The following WHR1 variants were observed in gnomAD, a reference collection of about 807,000 sequenced individuals.
WHR1 encodes MHC class III HLA-RP1.
At chr6:31,980,709 A>G in the WHR1 span, 5 of 1,608,998 alleles carry the variant, frequency 3.1e-6, no homozygotes, top group South Asian at 1.1e-5. Flanking sequence ...AACTGCTCCT[A>G]TCAGAGCTCC....
At chr6:31,972,525 C>G in the WHR1 span, 1 of 1,600,814 alleles carries the variant, frequency 6.2e-7, no homozygotes, top group African/African-American at 1.3e-5. This position sits in a 1 kb window ranked among gnomAD's most constrained non-coding sequence, Gnocchi z 6.3. Flanking sequence ...ACCATGGCAA[C>G]CCCGGGGGTG....
chr6:31,973,096 T>A, the WHR1 span: 1 of 552,028 alleles, frequency 1.8e-6, no homozygotes, highest in Non-Finnish European at 3.4e-6. Flanking sequence ...TGGTAGAGAA[T>A]ATCATAGAGA....
chr6:31,972,165 A>C, the WHR1 span: 1 of 1,612,382 alleles, frequency 6.2e-7, no homozygotes, highest in Non-Finnish European at 8.5e-7. The surrounding 1 kb of genome is among the most constrained non-coding windows in gnomAD (Gnocchi z 6.3). Context: ...GTGCCCTTGG[A>C]GGGAGCCAAT....
At chr6:31,978,922 G>T in the WHR1 span, 1 of 1,612,714 alleles carries the variant, frequency 6.2e-7, no homozygotes, top group Non-Finnish European at 8.5e-7. Flanking sequence ...CAAGAGCAGG[G>T]GGAGATCAGA....
At chr6:31,979,757 C>A in the WHR1 span, 2 of 597,942 alleles carry the variant, frequency 3.3e-6, no homozygotes, top group Non-Finnish European at 5.6e-6. Context: ...TTAGAAAGAG[C>A]CCTGAAATAG....
the WHR1 span, among the ~76,000 whole-genome samples, chr6:31,974,062 T>C: frequency 6.6e-6 from 1 of 151,984 alleles, no homozygotes; most frequent in African/African-American, 2.4e-5. Flanking sequence ...GGTGGGTGGA[T>C]CTCTTGAGCT....
the WHR1 span, chr6:31,979,033 A>T: frequency 3.1e-6 from 5 of 1,596,940 alleles, no homozygotes; most frequent in South Asian, 3.3e-5. Context: ...TGCTGGGGGG[A>T]GGGCACAGGT....
At chr6:31,974,719 C>T in the WHR1 span, among the ~76,000 whole-genome samples, 1 of 152,206 alleles carries the variant, frequency 6.6e-6, no homozygotes, top group African/African-American at 2.4e-5. Context: ...GATTGCACGA[C>T]TGCACTCCAG....
At chr6:31,971,597 G>GT in the WHR1 span, 1 of 1,613,732 alleles carries the variant, frequency 6.2e-7, no homozygotes, top group South Asian at 1.1e-5. This position sits in a 1 kb window ranked among gnomAD's most constrained non-coding sequence, Gnocchi z 4.5. Flanking sequence ...GGCAGAGAAG[G>GT]TGCTGGACGA....
chr6:31,974,204 G>A, the WHR1 span, among the ~76,000 whole-genome samples: 1 of 151,552 alleles, frequency 6.6e-6, no homozygotes, highest in African/African-American at 2.4e-5. Context: ...TGCTTGAGCT[G>A]GGGAGGCGGA....
At chr6:31,972,262 G>T in the WHR1 span, 4 of 1,613,136 alleles carry the variant, frequency 2.5e-6, no homozygotes, top group Middle Eastern at 1.6e-4. The surrounding 1 kb of genome is among the most constrained non-coding windows in gnomAD (Gnocchi z 6.3). Flanking sequence ...GGGCCTGAGG[G>T]ACGACAAGTT....
At chr6:31,971,856 ACCCT>A in the WHR1 span, 1 of 1,390,704 alleles carries the variant, frequency 7.2e-7, no homozygotes, top group Non-Finnish European at 9.6e-7. The surrounding 1 kb of genome is among the most constrained non-coding windows in gnomAD (Gnocchi z 4.5). Flanking sequence ...CCCTTCACCC[ACCCT>A]CCCTCCAGGT....
chr6:31,971,644 T>C, the WHR1 span: 1 of 1,609,814 alleles, frequency 6.2e-7, no homozygotes, highest in Non-Finnish European at 8.5e-7. The surrounding 1 kb of genome is among the most constrained non-coding windows in gnomAD (Gnocchi z 4.5). Flanking sequence ...CTCTGTCTTC[T>C]CAGCTCCTCT....
chr6:31,974,979 G>A, the WHR1 span, among the ~76,000 whole-genome samples: 8 of 152,164 alleles, frequency 5.3e-5, no homozygotes, highest in African/African-American at 1.9e-4. Flanking sequence ...TAATGTATTG[G>A]TGTTAGCTTT....
chr6:31,977,366 G>T, the WHR1 span, among the ~76,000 whole-genome samples: 1 of 140,512 alleles, frequency 7.1e-6, no homozygotes, highest in Non-Finnish European at 1.5e-5. Flanking sequence ...TTTTTGAGAC[G>T]GAGTCTCGCT....
chr6:31,978,248 T>G, the WHR1 span, among the ~76,000 whole-genome samples: 2 of 152,068 alleles, frequency 1.3e-5, no homozygotes, highest in African/African-American at 2.4e-5. Context: ...TGCCTTAGTC[T>G]CCCAAGTAGC....
the WHR1 span, among the ~76,000 whole-genome samples, chr6:31,976,890 G>A: frequency 8.5e-5 from 13 of 152,218 alleles, no homozygotes; most frequent in Non-Finnish European, 1.3e-4. Context: ...AACAAAATAC[G>A]AAAACCAGTC....
At chr6:31,979,222 G>A in the WHR1 span, among the ~76,000 whole-genome samples, 1 of 111,880 alleles carries the variant, frequency 8.9e-6, no homozygotes, top group African/African-American at 3.3e-5. Context: ...GGAGGAGGAG[G>A]AAGGAAGGAG....
chr6:31,975,612 T>C, the WHR1 span, among the ~76,000 whole-genome samples: 1 of 151,818 alleles, frequency 6.6e-6, no homozygotes, highest in East Asian at 1.9e-4. Context: ...GTTTTTTTTT[T>C]TTTTAATTGT....
Sources: gnomAD v4.1 joint callset for allele counts (sites outside exome capture counted in the v4.1 genomes callset) on GRCh38, gnomAD v4.1.1 for gene constraint, Gnocchi (gnomAD v3.1) non-coding constraint, MANE v1.5 for transcripts, NCBI Gene and HGNC (gene_info 2026-07-23, HGNC 2026-07-21) for gene names.